VTI1A: variants seen among roughly 807,000 people sequenced by gnomAD.
The protein encoded by VTI1A is vesicle transport through interaction with t-SNAREs homolog 1A.
Under a neutral mutation model 34.9 loss-of-function variants are expected in VTI1A, and 22 were observed. That is an observed-to-expected ratio of 0.63 (90% CI 0.45 to 0.90). The LOEUF (loss-of-function observed/expected upper bound fraction) is 0.90. VTI1A is among the 40% of genes least tolerant of loss of function. VTI1A has a pLI of 0.00. For missense variants in VTI1A, 268 were observed against 275.6 expected (o/e 0.97, Z 0.20); for synonymous variants, 87 against 97.3 (o/e 0.89, Z 0.62).
At chr10:112,524,262 GT>G (rs939693985) in intron 3 of VTI1A, among the ~76,000 whole-genome samples, 7 of 151,804 alleles carry the variant, frequency 4.6e-5, no homozygotes, top group African/African-American at 9.7e-5. Flanking sequence ...AATATAATTA[GT>G]TTTTTTTAAT....
intron 7 of VTI1A, among the ~76,000 whole-genome samples, chr10:112,786,602 A>T (rs1189028448): frequency 6.6e-6 from 1 of 152,202 alleles, no homozygotes; most frequent in Non-Finnish European, 1.5e-5. Flanking sequence ...TATTGAGTTG[A>T]AAAAGTCTCC....
At chr10:112,801,340 A>G (rs1043297800) in intron 7 of VTI1A, among the ~76,000 whole-genome samples, 3 of 152,158 alleles carry the variant, frequency 2.0e-5, no homozygotes, top group Admixed American at 1.3e-4. Context: ...AATACTTAAC[A>G]TAATTATAAA....
At chr10:112,607,211 C>A (rs921527638) in intron 5 of VTI1A, among the ~76,000 whole-genome samples, 1 of 151,450 alleles carries the variant, frequency 6.6e-6, no homozygotes, top group Non-Finnish European at 1.5e-5. Flanking sequence ...CACTTGAACC[C>A]GGGAGGCAGA....
chr10:112,831,346 A>T, the VTI1A span: 1 of 152,280 alleles, frequency 6.6e-6, no homozygotes, highest in South Asian at 2.1e-4. Flanking sequence ...CCTCCTGGAC[A>T]AGAGGTGGGG....
chr10:112,554,325 T>C (rs1851469913), intron 5 of VTI1A, among the ~76,000 whole-genome samples: 1 of 152,220 alleles, frequency 6.6e-6, no homozygotes, highest in Non-Finnish European at 1.5e-5. Flanking sequence ...ATAATGCAAG[T>C]TCTGGATGGA....
At chr10:112,479,227 T>C (rs183637061) in intron 3 of VTI1A, among the ~76,000 whole-genome samples, 45 of 152,220 alleles carry the variant, frequency 3.0e-4, no homozygotes, top group African/African-American at 9.9e-4. Flanking sequence ...TGGCCTAATA[T>C]ATACTATATT....
intron 7 of VTI1A, among the ~76,000 whole-genome samples, chr10:112,805,280 GA>G: frequency 6.6e-6 from 1 of 152,018 alleles, no homozygotes; most frequent in South Asian, 2.1e-4. Context: ...TTAAATGGTT[GA>G]AAAAAACTCA....
At chr10:112,689,255 T>C (rs577522492) in intron 7 of VTI1A, among the ~76,000 whole-genome samples, 21 of 152,342 alleles carry the variant, frequency 1.4e-4, no homozygotes, top group African/African-American at 4.8e-4. Context: ...AAGGTAATAC[T>C]GAACTTGGGT....
At chr10:112,534,231 C>A (rs1429433725) in intron 4 of VTI1A, among the ~76,000 whole-genome samples, 1 of 152,028 alleles carries the variant, frequency 6.6e-6, no homozygotes, top group Non-Finnish European at 1.5e-5. Flanking sequence ...ATATTTACTG[C>A]AATGTTTATA....
chr10:112,504,365 C>G (rs536514037), intron 3 of VTI1A, among the ~76,000 whole-genome samples: 13 of 152,238 alleles, frequency 8.5e-5, no homozygotes, highest in African/African-American at 3.1e-4. Flanking sequence ...ATATTCTCCC[C>G]CAACCCTGCT....
At chr10:112,784,280 T>C (rs1177828495) in intron 7 of VTI1A, among the ~76,000 whole-genome samples, 1 of 152,198 alleles carries the variant, frequency 6.6e-6, no homozygotes, top group African/African-American at 2.4e-5. Flanking sequence ...TTTGGAGCCA[T>C]AAAGTAATTC....
intron 5 of VTI1A, among the ~76,000 whole-genome samples, chr10:112,557,053 A>G (rs1191794677): frequency 2.0e-5 from 3 of 152,054 alleles, no homozygotes; most frequent in African/African-American, 7.2e-5. Context: ...AAATAACTTT[A>G]CTAGTCCCAT....
At chr10:112,744,512 A>G (rs1198806292) in intron 7 of VTI1A, among the ~76,000 whole-genome samples, 1 of 138,012 alleles carries the variant, frequency 7.2e-6, no homozygotes, top group African/African-American at 2.8e-5. Context: ...TGGCACAACC[A>G]TGGCTCACTG....
At chr10:112,734,231 GTTCCTCCTCTCCCTTCATCA>G (rs1850375346) in intron 7 of VTI1A, among the ~76,000 whole-genome samples, 1 of 151,990 alleles carries the variant, frequency 6.6e-6, no homozygotes, top group Non-Finnish European at 1.5e-5. Context: ...CCCACAATCT[GTTCCTCCTCTCCCTTCATCA>G]TTCCCATCCC....
intron 5 of VTI1A, among the ~76,000 whole-genome samples, chr10:112,607,242 A>G (rs1845119695): frequency 6.6e-6 from 1 of 151,700 alleles, no homozygotes; most frequent in Admixed American, 6.6e-5. Context: ...AGCCAAGATC[A>G]CACCACTGCA....
chr10:112,572,696 G>A (rs1461735748), intron 5 of VTI1A, among the ~76,000 whole-genome samples: 3 of 152,052 alleles, frequency 2.0e-5, no homozygotes, highest in Non-Finnish European at 4.4e-5. Flanking sequence ...AAATTAGCCG[G>A]GCGCGGTGGC....
the VTI1A span, among the ~76,000 whole-genome samples, chr10:112,830,852 T>A: frequency 3.9e-3 from 409 of 105,088 alleles, 4 homozygotes; most frequent in African/African-American, 0.012. Flanking sequence ...TATATATATT[T>A]TTTTTTTTTT....
chr10:112,743,273 C>A (rs1362167771), intron 7 of VTI1A, among the ~76,000 whole-genome samples: 1 of 152,176 alleles, frequency 6.6e-6, no homozygotes, highest in Non-Finnish European at 1.5e-5. Flanking sequence ...AAATCGTCTT[C>A]ATTCATGTTA....
At chr10:112,475,726 G>A (rs761024833) in intron 3 of VTI1A, among the ~76,000 whole-genome samples, 6 of 152,132 alleles carry the variant, frequency 3.9e-5, no homozygotes, top group Non-Finnish European at 8.8e-5. Flanking sequence ...GAAATAAAGA[G>A]CAAAGATAAA....
Sources: gnomAD v4.1 joint callset for allele counts (sites outside exome capture counted in the v4.1 genomes callset) on GRCh38, gnomAD v4.1.1 for gene constraint, MANE v1.5 for transcripts, NCBI Gene and HGNC (gene_info 2026-07-23, HGNC 2026-07-21) for gene names.